The following ARB2A variants were observed in gnomAD, a reference collection of about 807,000 sequenced individuals.
ARB2A encodes the protein ARB2 cotranscriptional regulator A.
the ARB2A span, among the ~76,000 whole-genome samples, chr5:94,051,649 G>A: frequency 2.0e-5 from 3 of 152,244 alleles, no homozygotes; most frequent in East Asian, 1.9e-4. Flanking sequence ...AACCTCACAC[G>A]CTGGTGAGCA....
the ARB2A span, among the ~76,000 whole-genome samples, chr5:93,999,444 A>G: frequency 6.6e-6 from 1 of 152,134 alleles, no homozygotes; most frequent in South Asian, 2.1e-4. Context: ...CAGAACCCAT[A>G]TATCTAAAAT....
the ARB2A span, among the ~76,000 whole-genome samples, chr5:93,873,807 C>T: frequency 2.6e-5 from 4 of 152,196 alleles, no homozygotes; most frequent in Non-Finnish European, 4.4e-5. Flanking sequence ...CTCCCCATAT[C>T]CCATTCTTTC....
At chr5:94,072,976 A>G in the ARB2A span, among the ~76,000 whole-genome samples, 1 of 152,070 alleles carries the variant, frequency 6.6e-6, no homozygotes. Context: ...CACCACTAAT[A>G]TATTTTTATG....
At chr5:94,086,562 GT>G in the ARB2A span, among the ~76,000 whole-genome samples, 1 of 152,032 alleles carries the variant, frequency 6.6e-6, no homozygotes, top group Non-Finnish European at 1.5e-5. Context: ...TTTGGTTTTT[GT>G]TTTTTTGACA....
chr5:93,841,372 T>C, the ARB2A span, among the ~76,000 whole-genome samples: 1 of 152,208 alleles, frequency 6.6e-6, no homozygotes, highest in African/African-American at 2.4e-5. Flanking sequence ...TTACATAGCA[T>C]TTACAATATA....
chr5:93,992,673 C>T, the ARB2A span, among the ~76,000 whole-genome samples: 1 of 151,952 alleles, frequency 6.6e-6, no homozygotes, highest in African/African-American at 2.4e-5. Flanking sequence ...CCTCAGAATA[C>T]TGACATTCCA....
the ARB2A span, among the ~76,000 whole-genome samples, chr5:93,633,930 C>A: frequency 6.6e-6 from 1 of 151,974 alleles, no homozygotes; most frequent in South Asian, 2.1e-4. Context: ...CTCAGCCTCC[C>A]GAGTAGTAGG....
At chr5:93,999,366 A>G in the ARB2A span, among the ~76,000 whole-genome samples, 3 of 152,052 alleles carry the variant, frequency 2.0e-5, no homozygotes, top group Non-Finnish European at 4.4e-5. Context: ...CTAGTTGTTC[A>G]GTAATCTAAT....
At chr5:93,708,822 G>A in the ARB2A span, among the ~76,000 whole-genome samples, 2 of 152,180 alleles carry the variant, frequency 1.3e-5, no homozygotes, top group East Asian at 3.9e-4. Flanking sequence ...ATTAGCCTTG[G>A]AATAGTTAAA....
chr5:93,641,092 C>T, the ARB2A span, among the ~76,000 whole-genome samples: 17 of 151,482 alleles, frequency 1.1e-4, no homozygotes, highest in Middle Eastern at 3.4e-3. Context: ...TCCAGCTACT[C>T]GGGAGGCTGA....
the ARB2A span, chr5:94,055,713 G>C: frequency 1.0e-6 from 1 of 985,376 alleles, no homozygotes; most frequent in African/African-American, 1.7e-5. Context: ...ATCAAAAATT[G>C]ACTTGCAGTA....
At chr5:93,919,903 G>A in the ARB2A span, among the ~76,000 whole-genome samples, 2 of 152,040 alleles carry the variant, frequency 1.3e-5, no homozygotes, top group Non-Finnish European at 2.9e-5. Flanking sequence ...GGCTTGTATT[G>A]AATGTTTTCA....
the ARB2A span, chr5:94,074,894 G>T: frequency 1.7e-6 from 1 of 587,612 alleles, no homozygotes; most frequent in South Asian, 2.2e-5. Flanking sequence ...TGATGCCTAT[G>T]CCATAGTACT....
the ARB2A span, among the ~76,000 whole-genome samples, chr5:93,664,337 C>G: frequency 6.6e-6 from 1 of 152,054 alleles, no homozygotes; most frequent in Non-Finnish European, 1.5e-5. Context: ...TGCCTTGGCC[C>G]TCCAAAATGC....
chr5:93,906,798 AT>A, the ARB2A span, among the ~76,000 whole-genome samples: 4 of 151,506 alleles, frequency 2.6e-5, no homozygotes, highest in Non-Finnish European at 5.9e-5. Context: ...TGATTAAAGC[AT>A]TTTTAGTAAG....
At chr5:93,862,728 A>G in the ARB2A span, 2 of 152,226 alleles carry the variant, frequency 1.3e-5, no homozygotes, top group South Asian at 2.1e-4. Flanking sequence ...AGGGGACATT[A>G]AGGTTAGGTA....
the ARB2A span, chr5:93,682,710 GACA>G: frequency 1.5e-6 from 1 of 645,734 alleles, no homozygotes; most frequent in Non-Finnish European, 2.8e-6. Context: ...ATAGAACCTG[GACA>G]ACATTTATCA....
the ARB2A span, among the ~76,000 whole-genome samples, chr5:93,814,300 T>C: frequency 2.6e-5 from 4 of 152,210 alleles, no homozygotes; most frequent in Non-Finnish European, 4.4e-5. Flanking sequence ...CCCATGAAAA[T>C]AATACATTTG....
the ARB2A span, among the ~76,000 whole-genome samples, chr5:93,818,095 T>C: frequency 2.0e-5 from 3 of 151,932 alleles, no homozygotes; most frequent in East Asian, 3.9e-4. Context: ...CTCAACATCA[T>C]TATTCATCAG....
Sources: allele counts gnomAD v4.1 joint callset (sites outside exome capture counted in the v4.1 genomes callset), GRCh38; gene constraint gnomAD v4.1.1; transcripts MANE v1.5; gene names NCBI Gene and HGNC (gene_info 2026-07-23, HGNC 2026-07-21).